Variants in DMD observed in about 807,000 individuals in gnomAD.
The protein encoded by DMD is mutant dystrophin.
A neutral mutation model predicts 330.1 loss-of-function variants in DMD; 63 were observed. The ratio of observed to expected loss-of-function variants is 0.19; its 90% CI spans 0.16 to 0.24. The LOEUF is 0.24. DMD is among the 10% of genes least tolerant of loss of function. The pLI is 1.00. For synonymous variants in DMD, 1,223 were observed against 959.8 expected (o/e 1.27, Z -5.07); for missense variants, 3,344 against 2,684.1 (o/e 1.25, Z -5.43).
chrX:31,720,559 C>T (rs754637127), intron 52 of DMD, among the ~76,000 whole-genome samples: 7 of 111,810 alleles, frequency 6.3e-5, no homozygotes, highest in Non-Finnish European at 7.5e-5. Flanking sequence ...TATTAGCTCA[C>T]TTTGTCTGAG....
At chrX:32,747,435 G>A (rs1034511022) in intron 7 of DMD, among the ~76,000 whole-genome samples, 7 of 111,202 alleles carry the variant, frequency 6.3e-5, no homozygotes, top group Non-Finnish European at 1.1e-4. Context: ...TCAATCAAGC[G>A]TGAGAGTGAG....
chrX:31,479,284 A>G (rs936790711), intron 57 of DMD, among the ~76,000 whole-genome samples, 181 bp from the exon 58 acceptor site: 1 of 111,786 alleles, frequency 8.9e-6, no homozygotes, highest in Non-Finnish European at 1.9e-5. Flanking sequence ...GTTAATGAGG[A>G]AAGCGCTGTG....
chrX:31,248,964 G>A (rs1166768343), intron 63 of DMD, among the ~76,000 whole-genome samples: 1 of 111,360 alleles, frequency 9.0e-6, no homozygotes, highest in African/African-American at 3.3e-5. Context: ...CCAGCCCTAG[G>A]TATAACAGAA....
At chrX:32,159,820 A>G (rs1282818247) in intron 44 of DMD, among the ~76,000 whole-genome samples, 1 of 111,970 alleles carries the variant, frequency 8.9e-6, no homozygotes, top group Non-Finnish European at 1.9e-5. Flanking sequence ...TTTGCTACCC[A>G]AAGTATGGTC....
intron 44 of DMD, among the ~76,000 whole-genome samples, chrX:31,985,572 T>C (rs1274743817): frequency 8.9e-6 from 1 of 112,492 alleles, no homozygotes. Context: ...ATTTTAGATA[T>C]TTAAATATAC....
chrX:32,861,992 A>G (rs779136933), intron 2 of DMD, among the ~76,000 whole-genome samples: 91 of 112,166 alleles, frequency 8.1e-4, no homozygotes, highest in Non-Finnish European at 1.5e-3. Flanking sequence ...GTAAGGAATC[A>G]TATGTATCAC....
intron 27 of DMD, among the ~76,000 whole-genome samples, chrX:32,446,937 G>A (rs1326539973): frequency 4.5e-5 from 5 of 110,040 alleles, no homozygotes; most frequent in African/African-American, 1.3e-4. Context: ...AGAAGGAAAT[G>A]GAAAAATAAT....
chrX:32,667,735 G>A (rs867894133), intron 9 of DMD, among the ~76,000 whole-genome samples: 2 of 104,706 alleles, frequency 1.9e-5, no homozygotes, highest in East Asian at 2.9e-4. Context: ...CTACACCTTC[G>A]CTTAAAAGTT....
intron 2 of DMD, among the ~76,000 whole-genome samples, chrX:33,008,903 CAT>C (rs1491438417): frequency 3.7e-4 from 31 of 84,483 alleles, no homozygotes; most frequent in African/African-American, 8.8e-4. Flanking sequence ...TATATATACA[CAT>C]ACTCATATAT....
rs868842246 is a variant in DMD, at chrX:32,452,392, A to G, written c.3603+2270T>C. Among the ~76,000 whole-genome samples, 4 of 17,838 alleles carry G rather than the reference A, an allele frequency of 2.2e-4. 2 individuals carry two copies. The highest frequency in any genetic ancestry group is 4.6e-4 in the Non-Finnish European group (4 of 8,738). 15.5% of individuals were successfully genotyped at this position (17,838 alleles called of 115,157 possible). A position where few individuals can be genotyped will look rare whatever the true frequency, so the allele number is the denominator to read the frequency against. ...AAGGGAAAGGGAAAGGGAAAGGGAAAGGGAAGGGAAAGGAAAGGGAAAGGG... is the reference window on the plus strand; with the variant it reads ...AAGGGAAAGGGAAAGGGAAAGGGAAGGGGAAGGGAAAGGAAAGGGAAAGGG... On this transcript the variant is annotated intron_variant, in intron 26 of 78. Transcript: ENST00000357033.
chrX:31,749,670 G>A (rs2088290892), intron 51 of DMD, among the ~76,000 whole-genome samples: 1 of 107,313 alleles, frequency 9.3e-6, no homozygotes, highest in African/African-American at 3.4e-5. Flanking sequence ...GTAATGGGAT[G>A]GCTGGGTCAA....
intron 2 of DMD, among the ~76,000 whole-genome samples, chrX:32,996,539 C>A (rs765818856): frequency 1.8e-5 from 2 of 111,738 alleles, no homozygotes; most frequent in African/African-American, 6.5e-5. Context: ...AGAAAGCAGG[C>A]TTGATGGCCG....
intron 57 of DMD, among the ~76,000 whole-genome samples, chrX:31,494,155 CAA>C (rs753929470): frequency 3.2e-4 from 16 of 49,825 alleles, no homozygotes; most frequent in Admixed American, 5.0e-4. Context: ...GACCCAGTCT[CAA>C]AAAAAAAAAA....
At chrX:32,489,948 C>A (rs1016898145) in intron 20 of DMD, among the ~76,000 whole-genome samples, 2 of 111,794 alleles carry the variant, frequency 1.8e-5, no homozygotes, top group African/African-American at 6.5e-5. Context: ...ATTCTTTATC[C>A]AAAAGTATAC....
chrX:31,479,618 A>T (rs2068086645), intron 57 of DMD, among the ~76,000 whole-genome samples: 1 of 112,360 alleles, frequency 8.9e-6, no homozygotes, highest in Non-Finnish European at 1.9e-5. Context: ...GTAAGCTAAG[A>T]GAAAAGTCTC....
At chrX:31,851,840 T>G (rs1465285899) in intron 48 of DMD, among the ~76,000 whole-genome samples, 1 of 110,729 alleles carries the variant, frequency 9.0e-6, no homozygotes. Flanking sequence ...TGTGGAGAGT[T>G]TAGAAAGTGC....
chrX:31,519,958 GCTTTTCTTCTC>G (rs1270649839), intron 55 of DMD, among the ~76,000 whole-genome samples: 3 of 111,534 alleles, frequency 2.7e-5, no homozygotes, highest in Non-Finnish European at 5.6e-5. Flanking sequence ...ATCCTATTTT[GCTTTTCTTCTC>G]TTATACAATA....
intron 2 of DMD, among the ~76,000 whole-genome samples, chrX:32,887,605 G>A (rs753170014): frequency 8.5e-5 from 9 of 106,309 alleles, no homozygotes; most frequent in Middle Eastern, 4.9e-3. Context: ...AAAATTAGCC[G>A]GTCGTTGTGG....
At chrX:32,400,339 G>A (rs1463098896) in intron 30 of DMD, among the ~76,000 whole-genome samples, 1 of 111,304 alleles carries the variant, frequency 9.0e-6, no homozygotes, top group Non-Finnish European at 1.9e-5. Flanking sequence ...GCTTTTTGAT[G>A]TGCTGCTGGA....
Sources: gnomAD v4.1 joint callset for allele counts (sites outside exome capture counted in the v4.1 genomes callset) on GRCh38, gnomAD v4.1.1 for gene constraint, MANE v1.5 for transcripts, NCBI Gene and HGNC (gene_info 2026-07-23, HGNC 2026-07-21) for gene names.